ZC3H7B: variants seen among roughly 807,000 people sequenced by gnomAD.
ZC3H7B encodes the protein zinc finger CCCH domain-containing protein 7B.
ZC3H7B carries 35 observed loss-of-function variants against 116.0 expected under a neutral mutation model. The ratio of observed to expected loss-of-function variants is 0.30; its 90% confidence interval spans 0.23 to 0.40. The LOEUF is 0.40. Ranked by LOEUF, ZC3H7B falls within the 10% of genes least tolerant of loss-of-function variation. The pLI is 1.00. For missense variants in ZC3H7B, 1,011 were observed against 1,321.5 expected, an observed-to-expected ratio of 0.77 and a Z score of 3.64; for synonymous variants, 502 against 545.6, an observed-to-expected ratio of 0.92 and a Z score of 1.11.
rs774223253 is a variant in ZC3H7B at position 41,351,664 on chromosome 22, T to C, written c.2034+18T>C. On this transcript the variant is annotated intron_variant, in intron 17 of 22. Coordinates refer to ENST00000352645, the MANE Select transcript of ZC3H7B (RefSeq NM_017590.6). This position sits in a 1 kb window ranked among gnomAD's most constrained non-coding sequence, Gnocchi z 5.1. ...GCAGCATGGTAAGGCCTTCTGATAC[T>C]ATGCCATTATTCAGATTTTGTGAAT... 2.5e-6 allele frequency: 4 copies of C among 1,608,686 alleles called. No homozygotes were observed. Among genetic ancestry groups the C allele is most frequent in the Non-Finnish European group, 3.4e-6 (4 of 1,177,524 alleles).
In ZC3H7B at chr22:41,343,484, G is replaced by A; in HGVS notation, c.1367G>A (p.Gly456Asp). Residue 456 changes from glycine (G) to aspartate (D), a missense_variant, in exon 13 of 23, where the codon GGC becomes GAC. By Grantham distance (94) the Gly-to-Asp change is moderately conservative (BLOSUM62 -1). This residue lies in a region of ZC3H7B where 179 missense variants were observed against 178.5 expected (regional missense o/e 1.00). Transcript: ENST00000352645. ...EHKCKRDILL[G>D]RLRSSEDQTW... ...AAGTGCAAGCGGGACATCCTGCTCG[G>A]CCGGCTCCGGAGCTCGGAGGACCAG... 1 of 1,613,842 alleles carries A rather than the reference G, an allele frequency of 6.2e-7. No homozygotes were observed.
At chr22:41,316,006 G>A (rs2036178574) in intron 1 of ZC3H7B, among the ~76,000 whole-genome samples, 1 of 145,498 alleles carries the variant, frequency 6.9e-6, no homozygotes, top group Non-Finnish European at 1.5e-5. Flanking sequence ...TTTTTTTTGA[G>A]ACGGAGTTTC....
chr22:41,356,191 C>T (rs1344398225), intron 20 of ZC3H7B, 129 bp downstream of exon 20: 2 of 1,468,686 alleles, frequency 1.4e-6, no homozygotes, highest in Non-Finnish European at 1.8e-6. Flanking sequence ...CCACCTGCCC[C>T]ATGCCGGGCC....
chr22:41,340,134 A>C lies in ZC3H7B; in HGVS notation c.1135A>C (p.Met379Leu), dbSNP rs186995894. 2.6e-4 allele frequency: 416 copies of C among 1,600,858 alleles called. 1 individual carries two copies. In the East Asian group the frequency reaches 9.0e-3, roughly 35 times the overall value. The change falls in exon 10 of 23, where the codon ATG becomes CTG. Residue 379 changes from methionine to leucine, a missense_variant. Around this residue, in one of 5 missense-constraint regions of ZC3H7B, gnomAD observed 99 missense variants for 89.5 expected, o/e 1.11. Transcript: ENST00000352645. The part of the protein sequence containing the change: ...RGSLDKPDSF[M>L]EETNSQDHRP... ...CTCCCTGGACAAACCTGACTCCTTC[A>C]TGGGTAAGGCCATGGGTGGGCCCGT...
At position 41,351,705 on chromosome 22, in the gene ZC3H7B, A is replaced by G; in HGVS notation, c.2034+59A>G. The G allele has an allele frequency of 6.5e-7, 1 of 1,534,062 alleles. No individual in the cohort carries two copies. The highest frequency in any genetic ancestry group is 8.9e-7 in the Non-Finnish European group (1 of 1,123,860). The stretch of plus-strand genomic sequence containing the variant: ...TTTTGTGAATTGTCCCCAAATTACA[A>G]ACAGGAAGGCTCTAATTTTACAATA... On this transcript the variant is annotated intron_variant, in intron 17 of 22. Coordinates refer to ENST00000352645, the MANE Select transcript of ZC3H7B (RefSeq NM_017590.6). The surrounding 1 kb of genome is among the most constrained non-coding windows in gnomAD (Gnocchi z 5.1).
Position 41,321,829 on chromosome 22 carries a change from C to CTTTTTTTTTTTT in ZC3H7B, c.53+1133_53+1144dup, listed in dbSNP as rs199611879. 6.6e-5 allele frequency among the ~76,000 whole-genome samples: 6 copies of CTTTTTTTTTTTT among 91,020 alleles called. 1 individual carries two copies. The highest frequency in any genetic ancestry group is 2.3e-4 in the African/African-American group (4 of 17,668). The allele number at this position is 91,020 out of a possible 152,430, so 59.7% of individuals were successfully genotyped here. Reference sequence around the variant, plus strand: ...GACCACAAAACTCAAAACTCACATTCTTTTTTTTTTTTTTTTTTTTTTTTT... The same window carrying CTTTTTTTTTTTT: ...GACCACAAAACTCAAAACTCACATTCTTTTTTTTTTTTTTTTTTTTTTTTTTTTTTTTTTTTT... On this transcript the variant is annotated intron_variant, in intron 2 of 22. Transcript: ENST00000352645.
rs747463086 is a variant in ZC3H7B, at chr22:41,325,792, G to A, written c.159G>A (p.Lys53=). The change falls in exon 4 of 23, where the codon AAG becomes AAA. Residue 53 remains lysine (K), a synonymous_variant. Coordinates refer to ENST00000352645, the MANE Select transcript of ZC3H7B (RefSeq NM_017590.6). ...GNDLFREKDY[K]QALVQYMEGL... ...ATCTGTTCCGGGAGAAGGACTATAAGCAGGCTCTGGTGCAGTACATGGAAG... is the reference window on the plus strand; with the variant it reads ...ATCTGTTCCGGGAGAAGGACTATAAACAGGCTCTGGTGCAGTACATGGAAG... 13 of 1,613,890 alleles carry A rather than the reference G, an allele frequency of 8.1e-6. No individual in the cohort carries two copies. The highest frequency in any genetic ancestry group is 1.7e-4 in the Middle Eastern group (1 of 5,940).
rs184755440 is a variant in ZC3H7B at position 41,348,590 on chromosome 22, C to T, written c.1766+423C>T. On this transcript the variant is annotated intron_variant, in intron 15 of 22. Coordinates refer to ENST00000352645, the MANE Select transcript of ZC3H7B (RefSeq NM_017590.6). ...GGGGAGGCCTGGGTCAGGTCTGGCA[C>T]CACCCCTTTCTCCCTCTTGTTCCCC... Among the ~76,000 whole-genome samples, 407 of 152,308 alleles carry T rather than the reference C, an allele frequency of 2.7e-3. 2 individuals are homozygous for T. The highest frequency in any genetic ancestry group is 9.3e-3 in the African/African-American group (385 of 41,562).
chr22:41,317,939 G>C (rs865994063), intron 1 of ZC3H7B, among the ~76,000 whole-genome samples: 1 of 152,198 alleles, frequency 6.6e-6, no homozygotes, highest in Non-Finnish European at 1.5e-5. Flanking sequence ...TGACTGCATG[G>C]CTTTGAATAA....
chr22:41,347,959 G>A, intron 14 of ZC3H7B, 108 bp from the exon 15 acceptor site: 1 of 900,386 alleles, frequency 1.1e-6, no homozygotes. Flanking sequence ...ACCCAGGGCA[G>A]GGCTTGCAGG....
chr22:41,354,852 C>T (rs925444562), intron 17 of ZC3H7B, among the ~76,000 whole-genome samples: 2 of 152,102 alleles, frequency 1.3e-5, no homozygotes, highest in African/African-American at 2.4e-5. Context: ...GGAGGGAGGG[C>T]CAGAGACCAG....
At chr22:41,310,583 A>G (rs924803831) in intron 1 of ZC3H7B, among the ~76,000 whole-genome samples, 2 of 152,208 alleles carry the variant, frequency 1.3e-5, no homozygotes, top group African/African-American at 2.4e-5. Flanking sequence ...AGCAGTGACT[A>G]CTTAACTGCT....
At chr22:41,343,394 G>C in intron 12 of ZC3H7B, 21 bp from the exon 13 acceptor site, 3 of 1,593,766 alleles carry the variant, frequency 1.9e-6, no homozygotes, top group Non-Finnish European at 2.6e-6. Context: ...GAATTATCAT[G>C]TGTGTCCACC....
rs374363455 is a variant in ZC3H7B at position 41,339,033 on chromosome 22, C to G, written c.658C>G (p.Leu220Val). ...CYVDPRGSPA[L>V]LPSTPTMPLF... ...CGTGGACCCTCGAGGCTCCCCAGCC[C>G]TTCTCCCCTCCACGCCCACGATGCC... The change falls in exon 9 of 23, where the codon CTT (leucine) becomes GTT (valine). Residue 220 changes from leucine (L) to valine (V), a missense_variant. Leu to Val is a conservative substitution (Grantham distance 32, BLOSUM62 1). Around this residue, in one of 5 missense-constraint regions of ZC3H7B, gnomAD observed 322 missense variants for 443.9 expected, o/e 0.73. Coordinates refer to ENST00000352645, the MANE Select transcript of ZC3H7B (RefSeq NM_017590.6). 6 of 1,604,060 alleles carry G rather than the reference C, an allele frequency of 3.7e-6. No individual in the cohort carries two copies. The highest frequency in any genetic ancestry group is 5.1e-6 in the Non-Finnish European group (6 of 1,174,014).
At chr22:41,318,763 C>T (rs2036215465) in intron 1 of ZC3H7B, among the ~76,000 whole-genome samples, 1 of 152,034 alleles carries the variant, frequency 6.6e-6, no homozygotes, top group South Asian at 2.1e-4. Context: ...TACATGTGGT[C>T]TTCCTGCTAA....
At position 41,343,493 on chromosome 22, in the gene ZC3H7B, G is replaced by T. The variant is rs759334613; in HGVS notation, c.1376G>T (p.Arg459Leu). 1.1e-5 allele frequency: 17 copies of T among 1,613,636 alleles called. No individual in the cohort carries two copies. Among genetic ancestry groups the T allele is most frequent in the Non-Finnish European group, 1.4e-5 (16 of 1,179,894 alleles). Residue 459 changes from arginine to leucine, a missense_variant, in exon 13 of 23, where the codon CGG becomes CTG. Arg to Leu is a moderately radical substitution (Grantham distance 102). This residue lies in a region of ZC3H7B where 179 missense variants were observed against 178.5 expected (regional missense o/e 1.00). Transcript: ENST00000352645. ...CGGGACATCCTGCTCGGCCGGCTCC[G>T]GAGCTCGGAGGACCAGACCTGGAAG... ...CKRDILLGRL[R>L]SSEDQTWKRI...
chr22:41,343,462 T>C lies in ZC3H7B; in HGVS notation c.1345T>C (p.Cys449Arg). The C allele has an allele frequency of 6.2e-7, 1 of 1,613,790 alleles. No individual in the cohort carries two copies. Among genetic ancestry groups the C allele is most frequent in the Non-Finnish European group, 8.5e-7 (1 of 1,179,864 alleles). Residue 449 changes from cysteine (C) to arginine (R), a missense_variant, in exon 13 of 23, where the codon TGC becomes CGC. Physicochemically the swap from Cys to Arg is radical, Grantham distance 180. This residue lies in a region of ZC3H7B where 179 missense variants were observed against 178.5 expected (regional missense o/e 1.00). Transcript: ENST00000352645. ...CTACCGTGAGGGCCTTGAGCACAAG[T>C]GCAAGCGGGACATCCTGCTCGGCCG... Reference protein sequence around the residue: ...YTYREGLEHKCKRDILLGRLR... With the variant: ...YTYREGLEHKRKRDILLGRLR...
intron 7 of ZC3H7B, chr22:41,333,175 C>G (rs1415231941): frequency 6.6e-6 from 1 of 152,310 alleles, no homozygotes; most frequent in Non-Finnish European, 1.5e-5. Context: ...CTCCCTCCTC[C>G]AGAGCTTTGC....
At position 41,325,793 on chromosome 22, in the gene ZC3H7B, C is replaced by A. The variant is rs769052217; in HGVS notation, c.160C>A (p.Gln54Lys). 6.8e-6 allele frequency: 11 copies of A among 1,613,874 alleles called. No individual in the cohort carries two copies. The highest frequency in any genetic ancestry group is 9.3e-6 in the Non-Finnish European group (11 of 1,179,978). The part of the protein sequence containing the change: ...NDLFREKDYK[Q>K]ALVQYMEGLN... ...TCTGTTCCGGGAGAAGGACTATAAG[C>A]AGGCTCTGGTGCAGTACATGGAAGG... is the stretch of plus-strand genomic sequence containing the variant. The change falls in exon 4 of 23, where the codon CAG (glutamine) becomes AAG (lysine). Residue 54 changes from glutamine to lysine, a missense_variant. Around this residue, in one of 5 missense-constraint regions of ZC3H7B, gnomAD observed 322 missense variants for 443.9 expected, o/e 0.73. Transcript: ENST00000352645.
Sources: gnomAD v4.1 joint callset for allele counts (sites outside exome capture counted in the v4.1 genomes callset) on GRCh38, gnomAD v4.1.1 for gene constraint, gnomAD v4.1.1 regional missense constraint, Gnocchi (gnomAD v3.1) non-coding constraint, MANE v1.5 for transcripts, NCBI Gene and HGNC (gene_info 2026-07-23, HGNC 2026-07-21) for gene names.